The following CD81 variants were observed in gnomAD, a reference collection of about 807,000 sequenced individuals.
CD81 encodes CD81 molecule.
A neutral mutation model predicts 30.1 loss-of-function variants in CD81; 10 were observed. The ratio of observed to expected loss-of-function variants is 0.33; its 90% CI spans 0.21 to 0.56. The LOEUF (loss-of-function observed/expected upper bound fraction) is 0.56, where lower values mean the gene tolerates loss of function less well. CD81 is among the 20% of genes least tolerant of loss of function. The pLI, the probability that CD81 is intolerant of heterozygous loss-of-function variation, is 0.89. For synonymous variants in CD81, 147 were observed against 126.4 expected (o/e 1.16, Z -1.10); for missense variants, 263 against 308.7 (o/e 0.85, Z 1.11).
intron 5 of CD81, 61 bp from the exon 6 acceptor site, chr11:2,395,808 C>G: frequency 8.4e-7 from 1 of 1,185,048 alleles, no homozygotes; most frequent in Admixed American, 1.7e-5. Context: ...CCATGGGTTC[C>G]CTAGAGCCAC....
rs564694830 is a variant in CD81 at position 2,396,794 on chromosome 11, C to T, written c.649-10C>T. ...TTGTGCTGACTGCGCCCCCCACCAC[C>T]CTCCTGCAGATCTTCGAGATGATCC... is the stretch of plus-strand genomic sequence containing the variant. On this transcript the variant is annotated splice_polypyrimidine_tract_variant and intron_variant, in intron 7 of 7. Transcript: ENST00000263645. The T allele has an allele frequency of 3.7e-6, 6 of 1,612,676 alleles. No homozygotes were observed. The African/African-American group carries it at 4.0e-5, about 11-fold the overall frequency.
At chr11:2,396,463 G>A in intron 6 of CD81, 165 bp from the exon 7 acceptor site, 1 of 688,710 alleles carries the variant, frequency 1.5e-6, no homozygotes, top group South Asian at 1.6e-5. Flanking sequence ...AGCCGGCAGA[G>A]GCCGGGCCGC....
intron 5 of CD81, 21 bp from the exon 6 acceptor site, chr11:2,395,848 T>C (rs1849989831): frequency 1.3e-6 from 2 of 1,561,128 alleles, no homozygotes; most frequent in Non-Finnish European, 1.8e-6. Flanking sequence ...AGGGCTGACC[T>C]TGCACCCCTG....
intron 1 of CD81, chr11:2,379,176 G>A (rs1479018197): frequency 1.8e-5 from 8 of 455,690 alleles, no homozygotes; most frequent in Middle Eastern, 3.3e-4. Context: ...ATGTCCCTCT[G>A]CCAGCCCCTG....
intron 1 of CD81, chr11:2,386,701 C>T (rs1299064839): frequency 1.4e-6 from 1 of 700,280 alleles, no homozygotes; most frequent in Non-Finnish European, 2.7e-6. Flanking sequence ...CAGGGTGGCT[C>T]CCGACTACTT....
At chr11:2,392,229 G>A (rs1346682231) in intron 2 of CD81, 1 of 152,348 alleles carries the variant, frequency 6.6e-6, no homozygotes, top group Non-Finnish European at 1.5e-5. Flanking sequence ...CTGTGGGGTC[G>A]GCGTCGGGCC....
intron 1 of CD81, among the ~76,000 whole-genome samples, chr11:2,383,098 A>G (rs1383644019): frequency 6.6e-6 from 1 of 152,192 alleles, no homozygotes; most frequent in Non-Finnish European, 1.5e-5. Flanking sequence ...GCGGGGCCAG[A>G]GGGCCAGCAT....
At chr11:2,396,028 G>T in intron 6 of CD81, 58 bp downstream of exon 6, 1 of 1,188,056 alleles carries the variant, frequency 8.4e-7, no homozygotes, top group Non-Finnish European at 1.3e-6. Context: ...CCTGGGTGGG[G>T]TCCTAGGGGT....
chr11:2,386,302 G>A, intron 1 of CD81: 1 of 638,570 alleles, frequency 1.6e-6, no homozygotes, highest in Admixed American at 2.4e-5. Context: ...TCAGGGCACA[G>A]GTCCTTTACC....
intron 1 of CD81, among the ~76,000 whole-genome samples, chr11:2,388,738 C>T (rs546491879): frequency 6.6e-6 from 1 of 152,304 alleles, no homozygotes; most frequent in East Asian, 1.9e-4. Flanking sequence ...CGTGGCCCCC[C>T]CCGGGTGCCT....
intron 1 of CD81, among the ~76,000 whole-genome samples, chr11:2,381,619 AG>A (rs1849707151): frequency 6.6e-6 from 1 of 152,242 alleles, no homozygotes; most frequent in South Asian, 2.1e-4. Context: ...GCGAGGGAGC[AG>A]GTCATCACCC....
Position 2,396,731 on chromosome 11 carries a change from G to A in CD81, c.648+17G>A, listed in dbSNP as rs373933433. 39 of 1,611,364 alleles carry A rather than the reference G, an allele frequency of 2.4e-5. No homozygotes were observed. The Middle Eastern group carries it at 1.2e-3, about 48-fold the overall frequency. ...GTGATCATGGTGAGCGGGCGGGGGC[G>A]GAGGGCCTGCTCTCTGGGCTGCCCC... On this transcript the variant is annotated intron_variant, in intron 7 of 7. Transcript: ENST00000263645.
intron 1 of CD81, among the ~76,000 whole-genome samples, chr11:2,382,223 A>ACC (rs149988694): frequency 9.9e-5 from 15 of 151,546 alleles, no homozygotes; most frequent in African/African-American, 3.4e-4. Context: ...CCCCACCCCC[A>ACC]CCCCCCGCAC....
In CD81 at chr11:2,377,578, T is replaced by A; in HGVS notation, c.29T>A (p.Ile10Asn). 1 of 1,529,744 alleles carries A rather than the reference T, an allele frequency of 6.5e-7. No individual in the cohort carries two copies. The highest frequency in any genetic ancestry group is 2.6e-5 in the East Asian group (1 of 37,934). The allele number at this position is 1,529,744 out of a possible 1,614,324, so 94.8% of individuals were successfully genotyped here. A position where few individuals can be genotyped will look rare whatever the true frequency, so the allele number is the denominator to read the frequency against. Residue 10 changes from isoleucine to asparagine, a missense_variant, in exon 1 of 8, where the codon ATC becomes AAC. Ile to Asn is a moderately radical substitution (Grantham distance 149). Around this residue, in one of 3 missense-constraint regions of CD81, gnomAD observed 84 missense variants for 98.2 expected, o/e 0.86. Coordinates refer to ENST00000263645, the MANE Select transcript of CD81 (RefSeq NM_004356.4). This position sits in a 1 kb window ranked among gnomAD's most constrained non-coding sequence, Gnocchi z 7.7. ...GGAGTGGAGGGCTGCACCAAGTGCA[T>A]CAAGTACCTGCTCTTCGTCTTCAAT... MGVEGCTKC[I>N]KYLLFVFNFV...
At chr11:2,387,662 G>A (rs1849820208) in intron 1 of CD81, among the ~76,000 whole-genome samples, 1 of 152,106 alleles carries the variant, frequency 6.6e-6, no homozygotes, top group Admixed American at 6.5e-5. Context: ...GGAAGCCAGG[G>A]GCCCCTGGCC....
chr11:2,396,830 G>T lies in CD81; in HGVS notation c.675G>T (p.Val225=), dbSNP rs778032086. 1 of 1,612,808 alleles carries T rather than the reference G, an allele frequency of 6.2e-7. No individual in the cohort carries two copies. Among genetic ancestry groups the T allele is most frequent in the East Asian group, 2.2e-5 (1 of 44,876 alleles). ...IMIFEMILSM[V]LCCGIRNSSV... ...TCTTCGAGATGATCCTGAGCATGGT[G>T]CTGTGCTGTGGCATCCGGAACAGCT... Residue 225 remains valine, a synonymous_variant, in exon 8 of 8, where the codon GTG becomes GTT. Coordinates refer to ENST00000263645, the MANE Select transcript of CD81 (RefSeq NM_004356.4).
chr11:2,390,070 G>A, intron 1 of CD81: 2 of 427,818 alleles, frequency 4.7e-6, no homozygotes, highest in Middle Eastern at 7.2e-4. Context: ...TATGTCCCGT[G>A]CAATATTTGG....
chr11:2,387,220 T>C (rs889081339), intron 1 of CD81, among the ~76,000 whole-genome samples: 2 of 152,078 alleles, frequency 1.3e-5, no homozygotes, highest in Non-Finnish European at 2.9e-5. Context: ...CTCTGTTTTA[T>C]AGAGGGGGAC....
rs965901199 is a variant in CD81 at position 2,395,259 on chromosome 11, G to A, written c.355-157G>A. 4.2e-5 allele frequency: 31 copies of A among 739,032 alleles called. 1 individual carries two copies. The highest frequency in any genetic ancestry group is 7.0e-5 in the Non-Finnish European group (29 of 415,272). The allele number at this position is 739,032 out of a possible 1,614,324, so 45.8% of individuals were successfully genotyped here. A position where few individuals can be genotyped will look rare whatever the true frequency, so the allele number is the denominator to read the frequency against. On this transcript the variant is annotated intron_variant, in intron 4 of 7. Coordinates refer to ENST00000263645, the MANE Select transcript of CD81 (RefSeq NM_004356.4). ...CCTCCCGTGTCCCAGCACTCCCGGG[G>A]CAGCTGAGAGTGCAGAGTCCTTGTC...
Sources: allele counts gnomAD v4.1 joint callset (sites outside exome capture counted in the v4.1 genomes callset), GRCh38; gene constraint gnomAD v4.1.1; regional missense constraint gnomAD v4.1.1; non-coding constraint Gnocchi (gnomAD v3.1); transcripts MANE v1.5; gene names NCBI Gene and HGNC (gene_info 2026-07-23, HGNC 2026-07-21).